Variants in TCF12 observed in about 807,000 individuals in gnomAD.
TCF12 encodes DNA-binding protein HTF4.
Under a neutral mutation model 86.0 loss-of-function variants are expected in TCF12, and 45 were observed. The ratio of observed to expected loss-of-function variants is 0.52; its 90% CI spans 0.41 to 0.67. The LOEUF (loss-of-function observed/expected upper bound fraction) is 0.67. TCF12 is among the 30% of genes least tolerant of loss of function. The pLI, the probability that TCF12 is intolerant of heterozygous loss-of-function variation, is 0.00. For synonymous variants in TCF12, 330 were observed against 299.6 expected (o/e 1.10, Z -1.05); for missense variants, 881 against 859.9 (o/e 1.02, Z -0.31).
At chr15:57,235,175 T>A (rs116561135) in intron 12 of TCF12, among the ~76,000 whole-genome samples, 1,760 of 152,300 alleles carry the variant, frequency 0.012, 32 homozygotes, top group African/African-American at 0.04. Context: ...AATTCTGTCT[T>A]GGATCATATA....
chr15:57,178,665 A>G (rs796433567), intron 6 of TCF12, among the ~76,000 whole-genome samples: 2 of 152,342 alleles, frequency 1.3e-5, no homozygotes, highest in African/African-American at 4.8e-5. Flanking sequence ...CTGGTAACAC[A>G]TAGGAGAACA....
chr15:56,933,133 A>C (rs1195223869), intron 3 of TCF12, among the ~76,000 whole-genome samples: 2 of 152,162 alleles, frequency 1.3e-5, no homozygotes, highest in East Asian at 1.9e-4. Context: ...TAGTATGGAA[A>C]ATTTTTATTA....
At chr15:56,921,372 A>C (rs974934127) in intron 3 of TCF12, among the ~76,000 whole-genome samples, 1 of 152,024 alleles carries the variant, frequency 6.6e-6, no homozygotes, top group Non-Finnish European at 1.5e-5. Flanking sequence ...TTAAATGATA[A>C]GTATTAGATG....
At chr15:56,926,351 G>A (rs778056654) in intron 3 of TCF12, among the ~76,000 whole-genome samples, 1 of 151,650 alleles carries the variant, frequency 6.6e-6, no homozygotes, top group Non-Finnish European at 1.5e-5. Context: ...TTATTTTGAT[G>A]GGAAGTAAAA....
At chr15:56,959,153 A>G (rs1309122750) in intron 3 of TCF12, among the ~76,000 whole-genome samples, 1 of 152,212 alleles carries the variant, frequency 6.6e-6, no homozygotes, top group East Asian at 1.9e-4. Flanking sequence ...GGTCCAACAC[A>G]GTGTCTGGCA....
At chr15:57,072,568 A>G (rs1431130933) in intron 4 of TCF12, 11 of 871,790 alleles carry the variant, frequency 1.3e-5, no homozygotes, top group Non-Finnish European at 1.5e-5. Context: ...AAAGGTATAC[A>G]TTTTATAGCT....
rs186246376 is a variant in TCF12 at position 56,963,003 on chromosome 15, G to C, written c.148+41905G>C. Among the ~76,000 whole-genome samples the C allele has an allele frequency of 2.8e-5, 4 of 142,582 alleles. No individual in the cohort carries two copies. In the East Asian group the frequency reaches 8.3e-4, roughly 29 times the overall value. The allele number at this position is 142,582 out of a possible 152,430, so 93.5% of individuals were successfully genotyped here. ...TTTTCCTGGAAGTGAGTGTTTCTTT[G>C]AAGCAGATTTAATGTGTTAAGGTCT... On this transcript the variant is annotated intron_variant, in intron 3 of 20. Transcript: ENST00000333725.
At chr15:57,269,122 G>A (rs1187001149) in intron 18 of TCF12, among the ~76,000 whole-genome samples, 1 of 151,880 alleles carries the variant, frequency 6.6e-6, no homozygotes, top group Non-Finnish European at 1.5e-5. Flanking sequence ...TTGACAGTGG[G>A]GTGTTAAAGT....
intron 5 of TCF12, 34 bp from the exon 6 acceptor site, chr15:57,166,368 G>C (rs936394707): frequency 6.4e-7 from 1 of 1,563,104 alleles, no homozygotes; most frequent in Non-Finnish European, 8.7e-7. Flanking sequence ...ATAAATGAAG[G>C]GTTTTATATA....
chr15:57,282,224 A>G, intron 19 of TCF12: 2 of 577,600 alleles, frequency 3.5e-6, no homozygotes, highest in South Asian at 4.2e-5. Context: ...TAGAAAACTA[A>G]ATCATAAGCA....
intron 3 of TCF12, among the ~76,000 whole-genome samples, chr15:57,044,821 G>A (rs745574215): frequency 6.6e-5 from 10 of 151,998 alleles, no homozygotes; most frequent in Admixed American, 5.2e-4. Flanking sequence ...CATGTTTTGA[G>A]GTTAGTGGAC....
chr15:57,071,358 GA>G (rs1162736176), intron 4 of TCF12, among the ~76,000 whole-genome samples: 28 of 146,218 alleles, frequency 1.9e-4, no homozygotes, highest in African/African-American at 4.3e-4. Flanking sequence ...TTGTAGTGAA[GA>G]AAAAAAAAAA....
intron 3 of TCF12, among the ~76,000 whole-genome samples, chr15:56,948,246 T>C (rs947402642): frequency 6.6e-6 from 1 of 152,194 alleles, no homozygotes; most frequent in South Asian, 2.1e-4. Context: ...CTCAGCCTCC[T>C]GAGTAGCTAG....
At chr15:57,054,980 G>A (rs1006047850) in intron 3 of TCF12, among the ~76,000 whole-genome samples, 1 of 151,670 alleles carries the variant, frequency 6.6e-6, no homozygotes, top group Non-Finnish European at 1.5e-5. Context: ...GTAACTCTTA[G>A]GAGAGAAAAT....
At chr15:57,024,150 G>A (rs887671930) in intron 3 of TCF12, among the ~76,000 whole-genome samples, 12 of 151,564 alleles carry the variant, frequency 7.9e-5, no homozygotes, top group Admixed American at 5.3e-4. Context: ...AATGTGTTAG[G>A]AGTATGGCTC....
At chr15:57,088,431 A>G (rs1336197736) in intron 4 of TCF12, among the ~76,000 whole-genome samples, 1 of 151,758 alleles carries the variant, frequency 6.6e-6, no homozygotes, top group Admixed American at 6.6e-5. Context: ...GCTACCTTCT[A>G]CTTTTAAAAC....
chr15:57,096,508 T>C (rs1381842291), intron 5 of TCF12, among the ~76,000 whole-genome samples: 1 of 152,086 alleles, frequency 6.6e-6, no homozygotes, highest in Non-Finnish European at 1.5e-5. Context: ...CCCCTGATGC[T>C]CAAGTCCCTT....
intron 19 of TCF12, among the ~76,000 whole-genome samples, chr15:57,278,940 TC>T (rs1342514552): frequency 2.7e-5 from 2 of 73,698 alleles, no homozygotes; most frequent in Non-Finnish European, 5.7e-5. Flanking sequence ...CTTCCTTCCT[TC>T]CTTTTTTTTT....
intron 5 of TCF12, among the ~76,000 whole-genome samples, chr15:57,135,507 A>C (rs964520317): frequency 6.6e-6 from 1 of 152,182 alleles, no homozygotes; most frequent in African/African-American, 2.4e-5. Context: ...GTCTGTATCA[A>C]CCTTAAAGGT....
Sources: allele counts gnomAD v4.1 joint callset (sites outside exome capture counted in the v4.1 genomes callset), GRCh38; gene constraint gnomAD v4.1.1; transcripts MANE v1.5; gene names NCBI Gene and HGNC (gene_info 2026-07-23, HGNC 2026-07-21).